SLC36A1: variants seen among roughly 807,000 people sequenced by gnomAD.
The protein encoded by SLC36A1 is solute carrier family 36 member 1, also known as proton-coupled amino acid transporter 1.
SLC36A1 carries 30 observed loss-of-function variants against 47.5 expected under a neutral mutation model. The observed-to-expected ratio is 0.63, with a 90% CI of 0.47 to 0.86. The LOEUF (loss-of-function observed/expected upper bound fraction) is 0.86. Ranked by LOEUF, SLC36A1 falls within the 40% of genes least tolerant of loss-of-function variation. The pLI is 0.00. For synonymous variants in SLC36A1, 255 were observed against 249.7 expected (o/e 1.02, Z -0.20); for missense variants, 517 against 606.0 (o/e 0.85, Z 1.54).
At chr5:151,537,829 G>A in the SLC36A1 span, 1 of 1,613,960 alleles carries the variant, frequency 6.2e-7, no homozygotes, top group Non-Finnish European at 8.5e-7. Context: ...TGCGCCCCAG[G>A]GCCATGCAGA....
chr5:151,458,303 T>A (rs1424148594), intron 1 of SLC36A1, among the ~76,000 whole-genome samples: 1 of 79,456 alleles, frequency 1.3e-5, no homozygotes, highest in Non-Finnish European at 2.3e-5. Flanking sequence ...TACATACACG[T>A]GTATATACGT....
chr5:151,506,088 C>T, the SLC36A1 span: 1 of 1,516,306 alleles, frequency 6.6e-7, no homozygotes. Context: ...CATGGCTCCG[C>T]CAGGGTACAC....
chr5:151,411,022 C>T, the SLC36A1 span, among the ~76,000 whole-genome samples: 3 of 144,950 alleles, frequency 2.1e-5, no homozygotes, highest in African/African-American at 7.5e-5. Flanking sequence ...ATTCTGCTGA[C>T]TCTAAGAACT....
At chr5:151,534,708 A>G in the SLC36A1 span, 4,469 of 1,397,498 alleles carry the variant, frequency 3.2e-3, 120 homozygotes, top group African/African-American at 0.056. Context: ...TGTGCCCTCT[A>G]TATATCTACA....
the SLC36A1 span, among the ~76,000 whole-genome samples, chr5:151,424,537 A>C: frequency 2.6e-5 from 4 of 152,204 alleles, no homozygotes; most frequent in Non-Finnish European, 5.9e-5. Context: ...TCACAGACTC[A>C]TTTTGCATGA....
the SLC36A1 span, among the ~76,000 whole-genome samples, chr5:151,507,810 A>C: frequency 6.6e-6 from 1 of 152,180 alleles, no homozygotes. Flanking sequence ...TCTCAGCTAC[A>C]TCCTCATTTG....
chr5:151,521,639 G>T, the SLC36A1 span: 1 of 1,614,084 alleles, frequency 6.2e-7, no homozygotes, highest in Non-Finnish European at 8.5e-7. Flanking sequence ...AGGAACCTCT[G>T]CAGGTTCCGC....
intron 1 of SLC36A1, among the ~76,000 whole-genome samples, chr5:151,439,425 T>G (rs1038949997): frequency 1.8e-4 from 27 of 152,060 alleles, no homozygotes; most frequent in African/African-American, 5.5e-4. Flanking sequence ...GAAGCCAAGG[T>G]GGGCAGATCA....
the SLC36A1 span, chr5:151,425,444 A>C: frequency 6.6e-6 from 1 of 152,390 alleles, no homozygotes; most frequent in East Asian, 1.9e-4. Context: ...GCCACTGCTG[A>C]CCTTGGCCCC....
the SLC36A1 span, among the ~76,000 whole-genome samples, chr5:151,361,384 T>A: frequency 6.6e-6 from 1 of 152,274 alleles, no homozygotes; most frequent in Non-Finnish European, 1.5e-5. Flanking sequence ...AAACATCTTA[T>A]ATTGCTTTAA....
chr5:151,464,513 G>T lies in SLC36A1; in HGVS notation c.235-1G>T, dbSNP rs1324510860. 1 of 1,613,494 alleles carries T rather than the reference G, an allele frequency of 6.2e-7. No individual in the cohort carries two copies. Among genetic ancestry groups the T allele is most frequent in the African/African-American group, 1.3e-5 (1 of 74,936 alleles). ...CTTTTGCCTGCAATATCTGTCCCCAGATGGGTCCCATCAGCCTGCTGATCA... is the reference window on the plus strand; with the variant it reads ...CTTTTGCCTGCAATATCTGTCCCCATATGGGTCCCATCAGCCTGCTGATCA... On this transcript the variant is annotated splice_acceptor_variant, in intron 3 of 10. Coordinates refer to ENST00000243389, the MANE Select transcript of SLC36A1 (RefSeq NM_078483.4). LOFTEE classifies it high-confidence loss of function.
chr5:151,532,297 GAGAT>G, the SLC36A1 span, among the ~76,000 whole-genome samples: 2 of 152,202 alleles, frequency 1.3e-5, no homozygotes, highest in Non-Finnish European at 2.9e-5. Context: ...TTCCTTGACT[GAGAT>G]AGAACAGCTC....
intron 10 of SLC36A1, among the ~76,000 whole-genome samples, chr5:151,485,487 T>G (rs1031995581): frequency 6.6e-6 from 1 of 152,324 alleles, no homozygotes; most frequent in Admixed American, 6.5e-5. Flanking sequence ...AAAGCTAGCC[T>G]GGGTATCTAC....
chr5:151,446,916 T>C (rs1163925649), upstream of SLC36A1, among the ~76,000 whole-genome samples: 1 of 152,224 alleles, frequency 6.6e-6, no homozygotes, highest in Non-Finnish European at 1.5e-5. Flanking sequence ...TGGCCATTAA[T>C]ATTAGTTGTA....
At chr5:151,545,047 G>A in the SLC36A1 span, 3 of 1,614,046 alleles carry the variant, frequency 1.9e-6, no homozygotes, top group Admixed American at 1.7e-5. Flanking sequence ...CCGGTCAAAC[G>A]CCACACCTCT....
At chr5:151,384,355 A>G in the SLC36A1 span, among the ~76,000 whole-genome samples, 1 of 152,214 alleles carries the variant, frequency 6.6e-6, no homozygotes, top group South Asian at 2.1e-4. Context: ...CAGTTCTTAC[A>G]TATTAGGTGT....
chr5:151,432,457 T>C (rs928957583), upstream of SLC36A1, among the ~76,000 whole-genome samples: 2 of 152,266 alleles, frequency 1.3e-5, no homozygotes, highest in East Asian at 3.9e-4. Flanking sequence ...TCTTTTTTCC[T>C]CACCCCCCTC....
At chr5:151,495,618 G>A (rs980324603), downstream of SLC36A1, among the ~76,000 whole-genome samples, 1 of 152,022 alleles carries the variant, frequency 6.6e-6, no homozygotes, top group African/African-American at 2.4e-5. Flanking sequence ...ATGCCTAACT[G>A]TACCGTCACC....
upstream of SLC36A1, among the ~76,000 whole-genome samples, chr5:151,433,244 A>ATATATATT (rs1759504804): frequency 1.0e-4 from 1 of 9,900 alleles, no homozygotes; most frequent in Non-Finnish European, 2.1e-4. Flanking sequence ...ATATATATAT[A>ATATATATT]TATATATATA....
Sources: gnomAD v4.1 joint callset for allele counts (sites outside exome capture counted in the v4.1 genomes callset) on GRCh38, gnomAD v4.1.1 for gene constraint, MANE v1.5 for transcripts, NCBI Gene and HGNC (gene_info 2026-07-23, HGNC 2026-07-21) for gene names.